CBY1: variants seen among roughly 807,000 people sequenced by gnomAD.
CBY1 encodes the protein protein chibby homolog 1.
Under a neutral mutation model 15.6 loss-of-function variants are expected in CBY1, and 10 were observed. The observed-to-expected ratio is 0.64, with a 90% CI of 0.40 to 1.09. The LOEUF (loss-of-function observed/expected upper bound fraction) is 1.09, where lower values mean the gene tolerates loss of function less well. Among genes scored for constraint, CBY1 ranks in the 50% least tolerant of loss-of-function variants. CBY1 has a pLI of 0.01. For synonymous variants in CBY1, 61 were observed against 63.5 expected (o/e 0.96, Z 0.19); for missense variants, 150 against 160.5 (o/e 0.93, Z 0.35).
intron 2 of CBY1, among the ~76,000 whole-genome samples, chr22:38,669,428 G>C (rs1043507110): frequency 1.3e-5 from 2 of 152,152 alleles, no homozygotes; most frequent in African/African-American, 4.8e-5. Flanking sequence ...TATGTGCCAG[G>C]CACTCTCCTA....
In CBY1 at chr22:38,673,145, T is replaced by C. The variant is rs780263105; in HGVS notation, c.304-14T>C. ...AAATGTGCTGCTTGCTAACAGCCGC[T>C]GCTTCACTTTCAGCTTTCAGAGTCC... On this transcript the variant is annotated splice_polypyrimidine_tract_variant and intron_variant, in intron 4 of 4. Transcript: ENST00000216029. 1.4e-5 allele frequency: 22 copies of C among 1,595,746 alleles called. No individual in the cohort carries two copies. Among genetic ancestry groups the C allele is most frequent in the Non-Finnish European group, 1.5e-5 (18 of 1,163,494 alleles).
chr22:38,668,809 C>T lies in CBY1; in HGVS notation c.78+677C>T, dbSNP rs1247262674. 2.0e-5 allele frequency: 3 copies of T among 152,590 alleles called. 1 individual carries two copies. Among genetic ancestry groups the T allele is most frequent in the Non-Finnish European group, 4.4e-5 (3 of 68,378 alleles). 9.5% of individuals were successfully genotyped at this position (152,590 alleles called of 1,614,324 possible). On this transcript the variant is annotated intron_variant, in intron 2 of 4. Transcript: ENST00000216029. ...GGGGCTGAGCATTCACTACAGGTTTCAGGTCTTAAGAGTCTGTTGTCTCCT... is the reference window on the plus strand; with the variant it reads ...GGGGCTGAGCATTCACTACAGGTTTTAGGTCTTAAGAGTCTGTTGTCTCCT...
At chr22:38,667,890 G>A in intron 1 of CBY1, 127 bp from the exon 2 acceptor site, 1 of 607,816 alleles carries the variant, frequency 1.6e-6, no homozygotes, top group East Asian at 2.8e-5. Flanking sequence ...TTTTGGTGGG[G>A]ACATTCAAAC....
chr22:38,662,258 C>T (rs1194911060), intron 1 of CBY1, among the ~76,000 whole-genome samples: 3 of 150,620 alleles, frequency 2.0e-5, no homozygotes, highest in Middle Eastern at 3.4e-3. Flanking sequence ...GCCGAGATCA[C>T]GCCACTGCAC....
At chr22:38,666,470 A>G (rs564930098) in intron 1 of CBY1, 24 of 152,168 alleles carry the variant, frequency 1.6e-4, no homozygotes, top group African/African-American at 5.1e-4. Flanking sequence ...GTGAATTGCA[A>G]TAGGTTGCAT....
At position 38,656,680 on chromosome 22, in the gene CBY1, T is replaced by G. The variant is rs1191280308; in HGVS notation, c.-109T>G. On this transcript the variant is annotated 5_prime_UTR_variant, in exon 1 of 5. The change abolishes the stop of an existing upstream ORF in the 5' untranslated region. Transcript: ENST00000216029. ...GCGGCAGGAGGCGGGTGGGTCAAGG[T>G]AACTCTGGGCTACAGAGTCCTTGCT... 1 of 151,954 alleles carries G rather than the reference T, an allele frequency of 6.6e-6. No homozygotes were observed. Among genetic ancestry groups the G allele is most frequent in the Non-Finnish European group, 1.5e-5 (1 of 68,160 alleles). 9.4% of individuals were successfully genotyped at this position (151,954 alleles called of 1,614,324 possible). A position where few individuals can be genotyped will look rare whatever the true frequency, so the allele number is the denominator to read the frequency against.
intron 1 of CBY1, among the ~76,000 whole-genome samples, chr22:38,658,271 G>A (rs538299877): frequency 6.7e-6 from 1 of 149,898 alleles, no homozygotes; most frequent in South Asian, 2.1e-4. Flanking sequence ...GACAACTGGC[G>A]CACACCACCA....
In CBY1 at chr22:38,673,326, C is replaced by A; in HGVS notation, c.*90C>A. The A allele has an allele frequency of 1.2e-6, 1 of 811,962 alleles. No individual in the cohort carries two copies. The highest frequency in any genetic ancestry group is 2.1e-6 in the Non-Finnish European group (1 of 472,868). 50.3% of individuals were successfully genotyped at this position (811,962 alleles called of 1,614,324 possible). ...CGGATTCAGTCCTGGAAGAGAGTAT[C>A]ATATAATGAGACCCACAGGCACTGG... On this transcript the variant is annotated 3_prime_UTR_variant, in exon 5 of 5. Coordinates refer to ENST00000216029, the MANE Select transcript of CBY1 (RefSeq NM_015373.4).
rs2092449615 is a variant in CBY1 at position 38,670,562 on chromosome 22, G to C, written c.79-322G>C. 1.3e-5 allele frequency: 3 copies of C among 224,092 alleles called. No homozygotes were observed. In the South Asian group the frequency reaches 2.4e-4, roughly 18 times the overall value. 13.9% of individuals were successfully genotyped at this position (224,092 alleles called of 1,614,324 possible). On this transcript the variant is annotated intron_variant, in intron 2 of 4. Transcript: ENST00000216029. ...CTTGGGGGACTATTACATTTAAAAA[G>C]AATTTTTCACTTGATTAACAGTTTA...
intron 2 of CBY1, 187 bp downstream of exon 2, chr22:38,668,319 C>T: frequency 1.8e-6 from 1 of 541,124 alleles, no homozygotes; most frequent in Non-Finnish European, 3.3e-6. Flanking sequence ...CTTGTTTATC[C>T]AAGAACCTAA....
intron 1 of CBY1, among the ~76,000 whole-genome samples, chr22:38,658,455 C>T (rs1453323908): frequency 7.0e-6 from 1 of 143,016 alleles, no homozygotes; most frequent in African/African-American, 2.6e-5. Context: ...ACATATATTA[C>T]TTTATTTTAT....
chr22:38,664,930 A>C (rs896188481), intron 1 of CBY1, among the ~76,000 whole-genome samples: 2 of 152,086 alleles, frequency 1.3e-5, no homozygotes, highest in African/African-American at 2.4e-5. Context: ...TGCAGCCTCA[A>C]ACTCCTGGGC....
intron 1 of CBY1, among the ~76,000 whole-genome samples, chr22:38,661,080 C>G (rs974251169): frequency 6.6e-6 from 1 of 152,170 alleles, no homozygotes; most frequent in East Asian, 1.9e-4. Flanking sequence ...TGGAAGCACT[C>G]TGGTTTGTCC....
intron 4 of CBY1, among the ~76,000 whole-genome samples, chr22:38,672,621 G>T (rs2092456192): frequency 1.3e-5 from 2 of 151,448 alleles, no homozygotes; most frequent in African/African-American, 4.9e-5. Flanking sequence ...CGGCCTGGAT[G>T]TTTTTTTTTA....
chr22:38,664,470 C>CAAAAAAAAAAAAAAAAAAAAAA (rs35322853), intron 1 of CBY1, among the ~76,000 whole-genome samples: 1 of 92,038 alleles, frequency 1.1e-5, no homozygotes, highest in Non-Finnish European at 2.3e-5. Context: ...GACTCCATCT[C>CAAAAAAAAAAAAAAAAAAAAAA]AAAAAAAAAA....
intron 1 of CBY1, chr22:38,665,405 A>G: frequency 2.7e-6 from 1 of 365,038 alleles, no homozygotes; most frequent in East Asian, 3.9e-5. Flanking sequence ...TTGAGGCTAC[A>G]GTGAACAGAG....
intron 4 of CBY1, 78 bp from the exon 5 acceptor site, chr22:38,673,081 T>G (rs1441819687): frequency 5.3e-6 from 5 of 948,796 alleles, no homozygotes; most frequent in Middle Eastern, 2.7e-4. Flanking sequence ...CTTTCCTCCG[T>G]GTGTAGGGCC....
chr22:38,673,035 G>A (rs1201694380), intron 4 of CBY1, 124 bp from the exon 5 acceptor site: 2 of 646,178 alleles, frequency 3.1e-6, no homozygotes, highest in South Asian at 1.6e-5. Flanking sequence ...GTTTCCCATC[G>A]AGGAAGCCAG....
intron 1 of CBY1, among the ~76,000 whole-genome samples, chr22:38,663,697 C>CAA (rs35974746): frequency 5.5e-4 from 42 of 76,414 alleles, no homozygotes; most frequent in East Asian, 4.4e-3. Context: ...ACTCTGTCTC[C>CAA]AAAAAAAAAA....
Sources: allele counts gnomAD v4.1 joint callset (sites outside exome capture counted in the v4.1 genomes callset), GRCh38; gene constraint gnomAD v4.1.1; transcripts MANE v1.5; gene names NCBI Gene and HGNC (gene_info 2026-07-23, HGNC 2026-07-21).